Variants in SERP2 observed in about 807,000 individuals in gnomAD.
SERP2 encodes the protein stress-associated endoplasmic reticulum protein 2.
In SERP2, 6 loss-of-function variants were observed where a neutral mutation model predicts 9.1. The observed-to-expected ratio is 0.66, with a 90% CI of 0.36 to 1.30. The LOEUF (loss-of-function observed/expected upper bound fraction) is 1.30, where lower values mean the gene tolerates loss of function less well. Among genes scored for constraint, SERP2 ranks in the 50% most tolerant of loss-of-function variants. The pLI, the probability that SERP2 is intolerant of heterozygous loss-of-function variation, is 0.03. For synonymous variants in SERP2, 37 were observed against 27.3 expected, an observed-to-expected ratio of 1.35 and a Z score of -1.10; for missense variants, 58 against 81.9, an observed-to-expected ratio of 0.71 and a Z score of 1.13.
At chr13:44,383,149 C>T (rs1872099457) in intron 2 of SERP2, among the ~76,000 whole-genome samples, 1 of 152,166 alleles carries the variant, frequency 6.6e-6, no homozygotes, top group African/African-American at 2.4e-5. Flanking sequence ...TACTCTCAGG[C>T]ATCCCTGAGC....
chr13:44,376,741 C>T (rs943823095), intron 1 of SERP2, among the ~76,000 whole-genome samples: 1 of 151,822 alleles, frequency 6.6e-6, no homozygotes, highest in African/African-American at 2.4e-5. Context: ...CGCCACCGCA[C>T]TCCAGTCTGG....
intron 2 of SERP2, chr13:44,390,217 G>T: frequency 3.4e-6 from 1 of 290,370 alleles, no homozygotes; most frequent in Non-Finnish European, 6.9e-6. Context: ...TTCCTGATGT[G>T]CAGCCATCCT....
chr13:44,376,813 G>A (rs895859818), intron 1 of SERP2, among the ~76,000 whole-genome samples: 1 of 151,980 alleles, frequency 6.6e-6, no homozygotes, highest in Non-Finnish European at 1.5e-5. Context: ...TAATCATTTT[G>A]TGATTATACA....
intron 2 of SERP2, among the ~76,000 whole-genome samples, chr13:44,389,100 T>G (rs967072656): frequency 2.6e-5 from 4 of 152,198 alleles, no homozygotes; most frequent in African/African-American, 9.7e-5. Flanking sequence ...GAAACGTTTC[T>G]TTGTGAAATG....
At chr13:44,390,152 C>G (rs1403858332) in intron 2 of SERP2, among the ~76,000 whole-genome samples, 1 of 152,176 alleles carries the variant, frequency 6.6e-6, no homozygotes, top group Non-Finnish European at 1.5e-5. Flanking sequence ...TTGAAAAAAG[C>G]TCCTGCTAAA....
In SERP2 at chr13:44,397,559, G is replaced by A. The variant is rs903607885; in HGVS notation, c.*247G>A. 1.3e-5 allele frequency: 7 copies of A among 551,278 alleles called. No homozygotes were observed. The East Asian group carries it at 1.6e-4, about 12-fold the overall frequency. 34.1% of individuals were successfully genotyped at this position (551,278 alleles called of 1,614,324 possible). A position where few individuals can be genotyped will look rare whatever the true frequency, so the allele number is the denominator to read the frequency against. On this transcript the variant is annotated 3_prime_UTR_variant, in exon 3 of 3. Transcript: ENST00000379179. ...CTGTTGGCAGGATTAGTAGCCACGC[G>A]GGTCGTCCGCAGCAGTGCTGTTTTT... is the stretch of plus-strand genomic sequence containing the variant.
intron 2 of SERP2, among the ~76,000 whole-genome samples, chr13:44,394,541 T>G (rs1872974383): frequency 6.6e-6 from 1 of 152,252 alleles, no homozygotes; most frequent in Non-Finnish European, 1.5e-5. Context: ...CTACATGGAC[T>G]AAGACACAGA....
intron 1 of SERP2, 90 bp downstream of exon 1, chr13:44,374,199 C>G: frequency 1.1e-6 from 1 of 871,070 alleles, no homozygotes; most frequent in Non-Finnish European, 1.6e-6. Flanking sequence ...GGTAGCGGCG[C>G]AGGGTCCGGC....
chr13:44,376,410 T>C (rs1322711676), intron 1 of SERP2, among the ~76,000 whole-genome samples: 2 of 152,320 alleles, frequency 1.3e-5, no homozygotes, highest in South Asian at 2.1e-4. Flanking sequence ...TGCAGATGCT[T>C]CAGTATTTTA....
chr13:44,373,955 G>T lies in SERP2; in HGVS notation c.-71G>T. On this transcript the variant is annotated 5_prime_UTR_variant, in exon 1 of 3. Coordinates refer to ENST00000379179, the MANE Select transcript of SERP2 (RefSeq NM_001010897.3). The surrounding 1 kb of genome is among the most constrained non-coding windows in gnomAD (Gnocchi z 4.8). Reference sequence around the variant, plus strand: ...GGCCGCGGGGGCCTCGGCGGGACGCGCTCGGCCCTGTCGCAGGAGCTAACG... The same window carrying T: ...GGCCGCGGGGGCCTCGGCGGGACGCTCTCGGCCCTGTCGCAGGAGCTAACG... 7.1e-7 allele frequency: 1 copy of T among 1,412,276 alleles called. No individual in the cohort carries two copies. Among genetic ancestry groups the T allele is most frequent in the Admixed American group, 2.1e-5 (1 of 48,174 alleles). The allele number at this position is 1,412,276 out of a possible 1,614,324, so 87.5% of individuals were successfully genotyped here. A position where few individuals can be genotyped will look rare whatever the true frequency, so the allele number is the denominator to read the frequency against.
chr13:44,376,881 A>G (rs1434729479), intron 1 of SERP2, among the ~76,000 whole-genome samples: 1 of 152,208 alleles, frequency 6.6e-6, no homozygotes, highest in African/African-American at 2.4e-5. Context: ...GAGTTACCCT[A>G]CGGGTATCTT....
intron 1 of SERP2, among the ~76,000 whole-genome samples, chr13:44,376,816 AT>A (rs1262281132): frequency 2.6e-4 from 39 of 152,242 alleles, no homozygotes; most frequent in Non-Finnish European, 5.6e-4. Flanking sequence ...TCATTTTGTG[AT>A]TATACAGTAG....
At chr13:44,383,585 A>G (rs1020077092) in intron 2 of SERP2, among the ~76,000 whole-genome samples, 6 of 114,964 alleles carry the variant, frequency 5.2e-5, no homozygotes, top group African/African-American at 2.1e-4. Flanking sequence ...GTCTCGTTCT[A>G]TTGACAGGCT....
At chr13:44,395,743 A>G (rs1022362288) in intron 2 of SERP2, 2 of 454,562 alleles carry the variant, frequency 4.4e-6, no homozygotes, top group Non-Finnish European at 8.8e-6. Flanking sequence ...TGACACTCAC[A>G]TGGAGCTGAT....
intron 2 of SERP2, among the ~76,000 whole-genome samples, chr13:44,382,310 G>C (rs1872029631): frequency 6.6e-6 from 1 of 151,676 alleles, no homozygotes. Flanking sequence ...GGTGGCAGGT[G>C]CCTGTAGTCC....
chr13:44,391,584 T>C (rs1463390101), intron 2 of SERP2, among the ~76,000 whole-genome samples: 3 of 152,142 alleles, frequency 2.0e-5, no homozygotes, highest in African/African-American at 7.2e-5. Flanking sequence ...GAGAGGCACA[T>C]GGGGCTATGA....
At chr13:44,383,162 C>T (rs941651959) in intron 2 of SERP2, among the ~76,000 whole-genome samples, 2 of 152,096 alleles carry the variant, frequency 1.3e-5, no homozygotes, top group Non-Finnish European at 2.9e-5. Context: ...CCCTGAGCCC[C>T]GTGACCATGC....
chr13:44,388,517 T>C (rs140134006), intron 2 of SERP2, among the ~76,000 whole-genome samples: 1 of 152,352 alleles, frequency 6.6e-6, no homozygotes, highest in East Asian at 1.9e-4. Context: ...CCTCTGTTAT[T>C]GCAGAGTTAA....
intron 2 of SERP2, among the ~76,000 whole-genome samples, chr13:44,391,963 G>A (rs546533914): frequency 7.3e-5 from 11 of 151,576 alleles, no homozygotes; most frequent in East Asian, 2.0e-4. Flanking sequence ...TTGGGAGGCC[G>A]AGGCGGGTGG....
Sources: allele counts gnomAD v4.1 joint callset (sites outside exome capture counted in the v4.1 genomes callset), GRCh38; gene constraint gnomAD v4.1.1; non-coding constraint Gnocchi (gnomAD v3.1); transcripts MANE v1.5; gene names NCBI Gene and HGNC (gene_info 2026-07-23, HGNC 2026-07-21).